The following FAM184A variants were observed in gnomAD, a reference collection of about 807,000 sequenced individuals.
FAM184A encodes the protein protein FAM184A.
In FAM184A, 99 loss-of-function variants were observed where a neutral mutation model predicts 143.8. The observed-to-expected ratio is 0.69, with a 90% CI of 0.58 to 0.81. FAM184A has a LOEUF of 0.81. FAM184A is among the 40% of genes least tolerant of loss of function. FAM184A has a pLI of 0.00. For synonymous variants in FAM184A, 427 were observed against 446.4 expected, an observed-to-expected ratio of 0.96 and a Z score of 0.55; for missense variants, 1,217 against 1,310.5, an observed-to-expected ratio of 0.93 and a Z score of 1.10.
chr6:119,077,965 G>A (rs1434761747), intron 1 of FAM184A, among the ~76,000 whole-genome samples, 176 bp downstream of exon 1: 1 of 152,248 alleles, frequency 6.6e-6, no homozygotes. Context: ...TTAAATTCAT[G>A]TTGCCAGCGT....
At chr6:119,110,982 G>T (rs1788915559) in intron 1 of FAM184A, among the ~76,000 whole-genome samples, 2 of 115,568 alleles carry the variant, frequency 1.7e-5, no homozygotes, top group Non-Finnish European at 3.9e-5. Flanking sequence ...CTGAAGTGTG[G>T]CCCAGCAAAT....
intron 1 of FAM184A, among the ~76,000 whole-genome samples, chr6:119,042,004 C>G (rs1468485914): frequency 6.6e-6 from 1 of 152,150 alleles, no homozygotes; most frequent in African/African-American, 2.4e-5. Flanking sequence ...GGCCCGCCAC[C>G]ATCTTGGGAG....
Position 119,003,548 on chromosome 6 carries a change from C to T in FAM184A, c.1890G>A (p.Val630=). ...AAMKEEEKLK[V]DKMAHDLEIK... ...TTTCTAAGTCATGGGCCATTTTGTC[C>T]ACTTTGAGCTTCTCTTCTTCTTTCA... Residue 630 remains valine, a synonymous_variant, in exon 8 of 18, where the codon GTG becomes GTA. Coordinates refer to ENST00000338891, the MANE Select transcript of FAM184A (RefSeq NM_024581.6). The T allele has an allele frequency of 6.2e-7, 1 of 1,612,506 alleles. No homozygotes were observed. Among genetic ancestry groups the T allele is most frequent in the Non-Finnish European group, 8.5e-7 (1 of 1,179,176 alleles).
In FAM184A at chr6:118,980,039, C is replaced by A. The variant is rs532428066; in HGVS notation, c.2301+99G>T. The A allele has an allele frequency of 1.9e-4, 163 of 878,190 alleles. 1 individual carries two copies. In the South Asian group the frequency reaches 2.8e-3, roughly 15 times the overall value. 54.4% of individuals were successfully genotyped at this position (878,190 alleles called of 1,614,324 possible). On this transcript the variant is annotated intron_variant, in intron 10 of 17. Coordinates refer to ENST00000338891, the MANE Select transcript of FAM184A (RefSeq NM_024581.6). ...CCTCAGCCTGGGTGACAGAGTGAGA[C>A]CCTGTCTCAAAAAATAGAAAAAAAA... is the stretch of plus-strand genomic sequence containing the variant.
intron 1 of FAM184A, among the ~76,000 whole-genome samples, chr6:119,084,759 C>G (rs1023313367): frequency 4.6e-5 from 7 of 152,256 alleles, no homozygotes; most frequent in Non-Finnish European, 1.0e-4. Flanking sequence ...CTTACACATA[C>G]AGGTTTTTCC....
At chr6:119,071,104 T>C (rs1005177818) in intron 1 of FAM184A, among the ~76,000 whole-genome samples, 1 of 152,198 alleles carries the variant, frequency 6.6e-6, no homozygotes, top group Non-Finnish European at 1.5e-5. Flanking sequence ...AGTTAAAGTA[T>C]AGGGAACTTA....
chr6:119,088,670 A>G (rs1180730903), intron 1 of FAM184A, among the ~76,000 whole-genome samples: 1 of 152,156 alleles, frequency 6.6e-6, no homozygotes, highest in Non-Finnish European at 1.5e-5. Flanking sequence ...TTGCATCTCA[A>G]TGTTATGCCT....
At chr6:118,980,085 AATT>A in intron 10 of FAM184A, 50 bp downstream of exon 10, 1 of 1,501,582 alleles carries the variant, frequency 6.7e-7, no homozygotes, top group African/African-American at 1.4e-5. Context: ...TTTGAAGACT[AATT>A]ATTATTAGGC....
At chr6:119,106,490 G>T (rs537750161) in intron 1 of FAM184A, among the ~76,000 whole-genome samples, 2 of 152,216 alleles carry the variant, frequency 1.3e-5, no homozygotes, top group Non-Finnish European at 2.9e-5. Flanking sequence ...GGGACCTTTC[G>T]TCTTCTCATC....
At chr6:118,976,683 A>G (rs1049924087) in intron 11 of FAM184A, among the ~76,000 whole-genome samples, 4 of 151,894 alleles carry the variant, frequency 2.6e-5, no homozygotes, top group Non-Finnish European at 2.9e-5. Flanking sequence ...AAAAAGAATG[A>G]AATTTTAGAG....
At chr6:119,103,499 T>A (rs1788697121) in intron 1 of FAM184A, among the ~76,000 whole-genome samples, 1 of 152,136 alleles carries the variant, frequency 6.6e-6, no homozygotes, top group African/African-American at 2.4e-5. Context: ...CTTTCAATAA[T>A]AAAAGATGAG....
chr6:119,020,418 GGTTT>G (rs1562476624), intron 3 of FAM184A, among the ~76,000 whole-genome samples: 1 of 150,224 alleles, frequency 6.7e-6, no homozygotes, highest in Non-Finnish European at 1.5e-5. Flanking sequence ...CCGTTTTACT[GGTTT>G]TTTTTGTTTT....
chr6:119,097,368 C>G (rs907124049), intron 1 of FAM184A, among the ~76,000 whole-genome samples: 3 of 152,132 alleles, frequency 2.0e-5, no homozygotes, highest in Non-Finnish European at 4.4e-5. Flanking sequence ...AAAATGTGAA[C>G]CATCACAAAC....
chr6:119,076,955 C>T (rs1326230846), intron 1 of FAM184A, among the ~76,000 whole-genome samples: 1 of 152,176 alleles, frequency 6.6e-6, no homozygotes, highest in Non-Finnish European at 1.5e-5. Context: ...CTTCACAAGA[C>T]GTTGGTTGAG....
chr6:118,999,127 A>G (rs1298148346), intron 9 of FAM184A, among the ~76,000 whole-genome samples: 1 of 152,148 alleles, frequency 6.6e-6, no homozygotes, highest in Non-Finnish European at 1.5e-5. Flanking sequence ...ACAAGACAGG[A>G]GTCCAAGATG....
At chr6:119,117,961 A>G (rs937808638) in intron 1 of FAM184A, among the ~76,000 whole-genome samples, 1 of 152,194 alleles carries the variant, frequency 6.6e-6, no homozygotes, top group Non-Finnish European at 1.5e-5. Flanking sequence ...AGAGAGCTGG[A>G]GGCAGGGTCT....
intron 1 of FAM184A, among the ~76,000 whole-genome samples, chr6:119,121,191 G>C (rs1241977506): frequency 6.6e-6 from 1 of 152,070 alleles, no homozygotes. Flanking sequence ...GAGTGCAGTG[G>C]CAAGATCATG....
At chr6:119,117,661 C>G (rs1049825956) in intron 1 of FAM184A, among the ~76,000 whole-genome samples, 1 of 152,164 alleles carries the variant, frequency 6.6e-6, no homozygotes, top group African/African-American at 2.4e-5. Context: ...CAAAACAACC[C>G]TGTGAAGTAT....
intron 1 of FAM184A, among the ~76,000 whole-genome samples, chr6:119,032,806 G>A (rs1031378165): frequency 1.3e-5 from 2 of 152,088 alleles, no homozygotes; most frequent in Non-Finnish European, 2.9e-5. Flanking sequence ...AATAGATCTG[G>A]TACATTTTAA....
Sources: gnomAD v4.1 joint callset for allele counts (sites outside exome capture counted in the v4.1 genomes callset) on GRCh38, gnomAD v4.1.1 for gene constraint, MANE v1.5 for transcripts, NCBI Gene and HGNC (gene_info 2026-07-23, HGNC 2026-07-21) for gene names.